Variants in MBD5 observed in about 807,000 individuals in gnomAD.
MBD5 encodes methyl-CpG binding domain protein 5.
MBD5 carries 13 observed loss-of-function variants against 117.3 expected under a neutral mutation model. That is an observed-to-expected ratio of 0.11 (90% confidence interval 0.07 to 0.18). The LOEUF is 0.18. Ranked by LOEUF, MBD5 falls within the 10% of genes least tolerant of loss-of-function variation. The pLI, the probability that MBD5 is intolerant of heterozygous loss-of-function variation, is 1.00. For missense variants in MBD5, 1,879 were observed against 2,093.8 expected, an observed-to-expected ratio of 0.90 and a Z score of 2.00; for synonymous variants, 727 against 766.4, an observed-to-expected ratio of 0.95 and a Z score of 0.85.
intron 4 of MBD5, among the ~76,000 whole-genome samples, chr2:148,394,545 G>GTTTTTTTTTTTTTTTCTTTTT (rs1704652766): frequency 8.2e-6 from 1 of 121,854 alleles, no homozygotes; most frequent in African/African-American, 3.1e-5. Flanking sequence ...CTGTACTTTG[G>GTTTTTTTTTTTTTTTCTTTTT]TTTTTTTTTT....
intron 2 of MBD5, among the ~76,000 whole-genome samples, chr2:148,205,940 A>G (rs1420268436): frequency 1.3e-5 from 2 of 152,120 alleles, no homozygotes; most frequent in African/African-American, 4.8e-5. Context: ...CGGGAGTTCG[A>G]GACCACCCTG....
chr2:148,325,827 C>G (rs779881018), intron 3 of MBD5, among the ~76,000 whole-genome samples: 48 of 152,090 alleles, frequency 3.2e-4, no homozygotes, highest in Middle Eastern at 3.4e-3. Flanking sequence ...TTTTGTGTCC[C>G]TATTTCCTTC....
chr2:148,228,118 A>G (rs551661659), intron 2 of MBD5, among the ~76,000 whole-genome samples: 2 of 152,144 alleles, frequency 1.3e-5, no homozygotes, highest in African/African-American at 4.8e-5. Context: ...CTCCTGCCTG[A>G]TTGCCCTGAC....
At chr2:148,192,614 TA>T in intron 2 of MBD5, among the ~76,000 whole-genome samples, 2 of 129,622 alleles carry the variant, frequency 1.5e-5, no homozygotes, top group South Asian at 5.5e-4. Context: ...TATTTCAAAA[TA>T]ATAAGAGCTA....
intron 8 of MBD5, among the ~76,000 whole-genome samples, chr2:148,475,106 G>A (rs1680915450): frequency 6.6e-6 from 1 of 152,122 alleles, no homozygotes; most frequent in African/African-American, 2.4e-5. Context: ...AAGAGGAAGA[G>A]CCTCCTTGAA....
intron 1 of MBD5, among the ~76,000 whole-genome samples, chr2:148,145,234 T>A (rs1391882635): frequency 1.3e-5 from 2 of 152,102 alleles, no homozygotes; most frequent in East Asian, 1.9e-4. Context: ...TTCCCTCATG[T>A]TTTGGCTCTC....
intron 3 of MBD5, among the ~76,000 whole-genome samples, chr2:148,238,527 A>G (rs1700140004): frequency 6.6e-6 from 1 of 152,202 alleles, no homozygotes; most frequent in Non-Finnish European, 1.5e-5. Context: ...CACTAGAAAA[A>G]TAAAAAGAAA....
intron 11 of MBD5, among the ~76,000 whole-genome samples, chr2:148,497,549 C>T (rs899034957): frequency 1.3e-5 from 2 of 151,874 alleles, no homozygotes; most frequent in Non-Finnish European, 2.9e-5. Context: ...AATTAGCGAG[C>T]ATGATGCTGT....
intron 11 of MBD5, among the ~76,000 whole-genome samples, chr2:148,501,461 A>T (rs1681869369): frequency 6.6e-6 from 1 of 152,158 alleles, no homozygotes; most frequent in East Asian, 1.9e-4. Context: ...CTTGCCTTGA[A>T]ACTATGCTTA....
chr2:148,028,519 C>T (rs1274862765), intron 1 of MBD5: 1 of 151,936 alleles, frequency 6.6e-6, no homozygotes, highest in Non-Finnish European at 1.5e-5. Context: ...TTTTATACAC[C>T]ATGAGTCCAG....
At chr2:148,476,377 G>T (rs553074202) in intron 8 of MBD5, among the ~76,000 whole-genome samples, 1 of 152,078 alleles carries the variant, frequency 6.6e-6, no homozygotes, top group Non-Finnish European at 1.5e-5. Flanking sequence ...GTAACAAAAA[G>T]TTTCATGAAA....
intron 3 of MBD5, among the ~76,000 whole-genome samples, chr2:148,258,775 A>G (rs574200217): frequency 6.4e-4 from 98 of 152,288 alleles, no homozygotes; most frequent in African/African-American, 1.8e-3. Context: ...AAATCTATCC[A>G]TATCCATGAG....
intron 4 of MBD5, among the ~76,000 whole-genome samples, chr2:148,438,318 C>T (rs999128603): frequency 1.3e-5 from 2 of 152,158 alleles, no homozygotes; most frequent in Non-Finnish European, 2.9e-5. Flanking sequence ...TCGTAGTGGT[C>T]TACACATTTT....
At chr2:148,455,281 C>G (rs1706848672) in intron 4 of MBD5, among the ~76,000 whole-genome samples, 1 of 152,090 alleles carries the variant, frequency 6.6e-6, no homozygotes, top group African/African-American at 2.4e-5. Flanking sequence ...GGATGATCCT[C>G]CCATACTCCA....
At position 148,489,784 on chromosome 2, in the gene MBD5, T is replaced by C. The variant is rs1681461388; in HGVS notation, c.4152T>C (p.Gly1384=). The C allele has an allele frequency of 6.2e-7, 1 of 1,613,234 alleles. No individual in the cohort carries two copies. Among genetic ancestry groups the C allele is most frequent in the African/African-American group, 1.3e-5 (1 of 74,672 alleles). The part of the protein sequence containing the change: ...SAVIHGRNMG[G]VDHDGRLRNS... The stretch of plus-strand genomic sequence containing the variant: ...TCATTCATGGACGGAACATGGGAGG[T>C]GTTGATCATGATGGTAGGCTGAGGA... The change falls in exon 11 of 14, where the codon GGT becomes GGC. Residue 1384 remains glycine, a synonymous_variant. Transcript: ENST00000642680.
At chr2:148,093,734 CATATA>C (rs916948659) in intron 1 of MBD5, among the ~76,000 whole-genome samples, 8 of 152,068 alleles carry the variant, frequency 5.3e-5, no homozygotes, top group South Asian at 2.1e-4. Flanking sequence ...TATTGACACA[CATATA>C]ATATATGTTC....
chr2:148,318,775 G>A (rs1466139242), intron 3 of MBD5, among the ~76,000 whole-genome samples: 2 of 152,120 alleles, frequency 1.3e-5, no homozygotes, highest in African/African-American at 4.8e-5. Flanking sequence ...GAAGTGCAGT[G>A]GTGCAATTTC....
At chr2:148,369,411 T>C (rs2105355539) in intron 4 of MBD5, among the ~76,000 whole-genome samples, 1 of 152,272 alleles carries the variant, frequency 6.6e-6, no homozygotes, top group East Asian at 1.9e-4. Flanking sequence ...AGTTGTATTG[T>C]AATTATGCAA....
rs139146179 is a variant in MBD5 at position 148,491,611 on chromosome 2, G to A, written c.4962+1017G>A. On this transcript the variant is annotated intron_variant, in intron 11 of 13. Transcript: ENST00000642680. Reference sequence around the variant, plus strand: ...TTTTTGCCAGCACAATAAAGGGATTGTCTTTCTCCAAATGACTAGGAGGTC... The same window carrying A: ...TTTTTGCCAGCACAATAAAGGGATTATCTTTCTCCAAATGACTAGGAGGTC... Among the ~76,000 whole-genome samples the A allele has an allele frequency of 3.5e-3, 525 of 152,104 alleles. 1 individual carries two copies. Among genetic ancestry groups the A allele is most frequent in the Non-Finnish European group, 6.1e-3 (415 of 68,012 alleles).
Sources: gnomAD v4.1 joint callset for allele counts (sites outside exome capture counted in the v4.1 genomes callset) on GRCh38, gnomAD v4.1.1 for gene constraint, MANE v1.5 for transcripts, NCBI Gene and HGNC (gene_info 2026-07-23, HGNC 2026-07-21) for gene names.